Variants in NOD1 observed in about 807,000 individuals in gnomAD.
NOD1 encodes nucleotide binding oligomerization domain containing 1.
Under a neutral mutation model 81.2 loss-of-function variants are expected in NOD1, and 70 were observed. That is an observed-to-expected ratio of 0.86 (90% confidence interval 0.71 to 1.05). NOD1 has a LOEUF of 1.05. Ranked by LOEUF, NOD1 falls within the 50% of genes least tolerant of loss-of-function variation. The pLI is 0.00. For synonymous variants in NOD1, 508 were observed against 526.9 expected, an observed-to-expected ratio of 0.96 and a Z score of 0.49; for missense variants, 1,233 against 1,228.0, an observed-to-expected ratio of 1.00 and a Z score of -0.06.
chr7:30,430,103 CT>C (rs1205812963), intron 12 of NOD1, among the ~76,000 whole-genome samples: 1 of 152,154 alleles, frequency 6.6e-6, no homozygotes, highest in African/African-American at 2.4e-5. Context: ...CTGACGTCTC[CT>C]TCCAGGTAGC....
chr7:30,458,088 G>C (rs895165169), intron 3 of NOD1, among the ~76,000 whole-genome samples: 3 of 152,148 alleles, frequency 2.0e-5, no homozygotes, highest in African/African-American at 7.2e-5. Flanking sequence ...TACAAGTGCT[G>C]AGTTTCTTGT....
chr7:30,464,299 G>A (rs576759930), intron 1 of NOD1, among the ~76,000 whole-genome samples: 10 of 152,304 alleles, frequency 6.6e-5, no homozygotes, highest in African/African-American at 2.4e-4. Context: ...GCACATGACA[G>A]TGCTCTACCA....
intron 1 of NOD1, chr7:30,460,638 G>A (rs1232418916): frequency 1.0e-6 from 1 of 985,328 alleles, no homozygotes; most frequent in Non-Finnish European, 1.2e-6. Flanking sequence ...AAGCAGAGGA[G>A]ATCGGAGGAG....
intron 1 of NOD1, among the ~76,000 whole-genome samples, chr7:30,476,409 G>A (rs1264475098): frequency 4.6e-5 from 7 of 152,164 alleles, no homozygotes; most frequent in African/African-American, 1.7e-4. Flanking sequence ...CAGCTGGGAC[G>A]CAGGCATCAG....
Position 30,452,173 on chromosome 7 carries a change from G to C in NOD1, c.1244C>G (p.Pro415Arg), listed in dbSNP as rs1433729736. ...RAAFEGSPQLPDCTMTLTDVF... is the reference protein window; with the variant it reads ...RAAFEGSPQLRDCTMTLTDVF... ...ATCTGTCAGGGTCATCGTGCAGTCG[G>C]GCAGCTGTGGTGAGCCTTCAAAGGC... The change falls in exon 6 of 14, where the codon CCC becomes CGC. Residue 415 changes from proline to arginine, a missense_variant. Transcript: ENST00000222823. The C allele has an allele frequency of 4.9e-5, 79 of 1,613,988 alleles. No individual in the cohort carries two copies. The highest frequency in any genetic ancestry group is 6.6e-5 in the Non-Finnish European group (78 of 1,180,026).
chr7:30,451,182 C>A lies in NOD1; in HGVS notation c.2201+34G>T, dbSNP rs777788329. 1.9e-5 allele frequency: 31 copies of A among 1,597,584 alleles called. No individual in the cohort carries two copies. The highest frequency in any genetic ancestry group is 2.5e-5 in the Non-Finnish European group (29 of 1,170,898). ...TGCCCTCCGAGCCTGGCCCGCCCGG[C>A]CCACCTGTTGCTCCCCTTGCCTGGC... On this transcript the variant is annotated intron_variant, in intron 6 of 13. Transcript: ENST00000222823. The surrounding 1 kb of genome is among the most constrained non-coding windows in gnomAD (Gnocchi z 4.2).
At chr7:30,472,927 T>C (rs978222762) in intron 1 of NOD1, among the ~76,000 whole-genome samples, 19 of 152,244 alleles carry the variant, frequency 1.2e-4, no homozygotes, top group Admixed American at 7.2e-4. Context: ...GTTTCATTCA[T>C]TGCTGTAATC....
At position 30,452,930 on chromosome 7, in the gene NOD1, T is replaced by C; in HGVS notation, c.487A>G (p.Ile163Val). The change falls in exon 6 of 14, where the codon ATC (isoleucine) becomes GTC (valine). Residue 163 changes from isoleucine (I) to valine (V), a missense_variant. Coordinates refer to ENST00000222823, the MANE Select transcript of NOD1 (RefSeq NM_006092.4). ...LLLEEIYMDT[I>V]MELVGFSNES... ...TTGCTGAAGCCAACCAGCTCCATGA[T>C]GGTGTCCATGTAGATCTCCTCCAGC... 1 of 1,613,986 alleles carries C rather than the reference T, an allele frequency of 6.2e-7. No individual in the cohort carries two copies. Among genetic ancestry groups the C allele is most frequent in the Non-Finnish European group, 8.5e-7 (1 of 1,179,992 alleles).
chr7:30,467,762 C>T lies in NOD1; in HGVS notation c.-351-7721G>A, dbSNP rs1238252782. On this transcript the variant is annotated intron_variant, in intron 1 of 13. Coordinates refer to ENST00000222823, the MANE Select transcript of NOD1 (RefSeq NM_006092.4). This position sits in a 1 kb window ranked among gnomAD's most constrained non-coding sequence, Gnocchi z 4.5. Reference sequence around the variant, plus strand: ...TGTCACCCAGGCTGGAGTGCGATGGCGTGATCTTGGCTCACTGCAACCTCC... The same window carrying T: ...TGTCACCCAGGCTGGAGTGCGATGGTGTGATCTTGGCTCACTGCAACCTCC... 2.0e-5 allele frequency among the ~76,000 whole-genome samples: 3 copies of T among 152,234 alleles called. No individual in the cohort carries two copies. Among genetic ancestry groups the T allele is most frequent in the Non-Finnish European group, 2.9e-5 (2 of 68,006 alleles).
chr7:30,429,537 T>C, intron 12 of NOD1, 80 bp from the exon 13 acceptor site: 1 of 1,264,558 alleles, frequency 7.9e-7, no homozygotes, highest in Non-Finnish European at 1.2e-6. Context: ...TGCAAGGGTG[T>C]TTTGGGATAA....
At position 30,473,491 on chromosome 7, in the gene NOD1, A is replaced by G. The variant is rs572338695; in HGVS notation, c.-352+5115T>C. ...AACAATCTCAGTGCATCGAGATGAC[A>G]TTTATCTCAAAACTAACATTGCAAC... On this transcript the variant is annotated intron_variant, in intron 1 of 13. Coordinates refer to ENST00000222823, the MANE Select transcript of NOD1 (RefSeq NM_006092.4). 6.6e-4 allele frequency among the ~76,000 whole-genome samples: 101 copies of G among 152,176 alleles called. 2 individuals carry two copies. Among genetic ancestry groups the G allele is most frequent in the Non-Finnish European group, 9.1e-4 (62 of 68,034 alleles).
intron 13 of NOD1, among the ~76,000 whole-genome samples, chr7:30,427,791 T>C (rs930816699): frequency 3.9e-5 from 6 of 152,220 alleles, no homozygotes; most frequent in Admixed American, 2.0e-4. Flanking sequence ...AAAGCAACTG[T>C]AGGTCTTTAC....
At chr7:30,433,277 C>G (rs1410632719) in intron 11 of NOD1, 98 bp from the exon 12 acceptor site, 5 of 874,318 alleles carry the variant, frequency 5.7e-6, no homozygotes, top group Non-Finnish European at 9.2e-6. Flanking sequence ...GGCTCTCCAG[C>G]TATGCAGATG....
chr7:30,468,115 A>G (rs937544773), intron 1 of NOD1, among the ~76,000 whole-genome samples: 2 of 152,260 alleles, frequency 1.3e-5, no homozygotes, highest in African/African-American at 4.8e-5. Context: ...AAAATAGTAC[A>G]GAGCAAAAGT....
rs763990046 is a variant in NOD1, at chr7:30,451,290, G to C, written c.2127C>G (p.Asp709Glu). ...AGTCGTTGAGATTGTTGTTGTCTAG[G>C]TCTAGGGCCAGCCGCTTGGGGAAGT... Reference protein sequence around the residue: ...LHHFPKRLALDLDNNNLNDYG... With the variant: ...LHHFPKRLALELDNNNLNDYG... Residue 709 changes from aspartate to glutamate, a missense_variant, in exon 6 of 14, where the codon GAC becomes GAG. Coordinates refer to ENST00000222823, the MANE Select transcript of NOD1 (RefSeq NM_006092.4). The surrounding 1 kb of genome is among the most constrained non-coding windows in gnomAD (Gnocchi z 4.2). 4 of 1,614,180 alleles carry C rather than the reference G, an allele frequency of 2.5e-6. No homozygotes were observed. The highest frequency in any genetic ancestry group is 3.4e-6 in the Non-Finnish European group (4 of 1,180,032).
intron 3 of NOD1, 65 bp from the exon 4 acceptor site, chr7:30,457,107 C>T (rs902293943): frequency 1.7e-6 from 1 of 599,570 alleles, no homozygotes; most frequent in African/African-American, 1.9e-5. Context: ...CCACCTCCCA[C>T]TGGTTGTGGG....
intron 1 of NOD1, among the ~76,000 whole-genome samples, chr7:30,471,341 C>A (rs1207961588): frequency 6.6e-6 from 1 of 152,206 alleles, no homozygotes; most frequent in African/African-American, 2.4e-5. Flanking sequence ...AAGCAGAAGG[C>A]CTGCCCAACC....
At chr7:30,461,068 A>G (rs1787007015) in intron 1 of NOD1, among the ~76,000 whole-genome samples, 1 of 152,262 alleles carries the variant, frequency 6.6e-6, no homozygotes, top group African/African-American at 2.4e-5. Flanking sequence ...AAACTTTCTA[A>G]TAGCCACACT....
chr7:30,448,714 C>T (rs536806441), intron 6 of NOD1, among the ~76,000 whole-genome samples: 2 of 152,266 alleles, frequency 1.3e-5, no homozygotes, highest in East Asian at 3.9e-4. Context: ...AGACCCTGTA[C>T]CTGGTTCTCG....
Sources: allele counts gnomAD v4.1 joint callset (sites outside exome capture counted in the v4.1 genomes callset), GRCh38; gene constraint gnomAD v4.1.1; non-coding constraint Gnocchi (gnomAD v3.1); transcripts MANE v1.5; gene names NCBI Gene and HGNC (gene_info 2026-07-23, HGNC 2026-07-21).